KLHL6: variants seen among roughly 807,000 people sequenced by gnomAD.
KLHL6 encodes the protein kelch-like protein 6.
KLHL6 carries 41 observed loss-of-function variants against 58.6 expected under a neutral mutation model. The observed-to-expected ratio is 0.70, with a 90% CI of 0.55 to 0.91. The LOEUF (loss-of-function observed/expected upper bound fraction) is 0.91, where lower values mean the gene tolerates loss of function less well. Among genes scored for constraint, KLHL6 ranks in the 40% least tolerant of loss-of-function variants. KLHL6 has a pLI of 0.00. For missense variants in KLHL6, 714 were observed against 805.6 expected (o/e 0.89, Z 1.38); for synonymous variants, 338 against 322.7 (o/e 1.05, Z -0.51).
intron 3 of KLHL6, among the ~76,000 whole-genome samples, chr3:183,504,137 T>C (rs1410082383): frequency 1.3e-5 from 2 of 152,128 alleles, no homozygotes; most frequent in African/African-American, 4.8e-5. Flanking sequence ...GGAAAATGAT[T>C]GATTGTGAGA....
intron 1 of KLHL6, among the ~76,000 whole-genome samples, chr3:183,529,261 C>G (rs190287282): frequency 1.1e-3 from 164 of 151,964 alleles, no homozygotes; most frequent in African/African-American, 3.5e-3. Context: ...ATAAGTTTAC[C>G]TATATAACAA....
In KLHL6 at chr3:183,508,413, C is replaced by T. The variant is rs780150788; in HGVS notation, c.555G>A (p.Ser185=). 14 of 1,614,060 alleles carry T rather than the reference C, an allele frequency of 8.7e-6. No homozygotes were observed. In the East Asian group the frequency reaches 1.6e-4, roughly 18 times the overall value. ...GAACCTGCTTCTTTAGACTGTCCAG[C>T]GAGTGTGTGTCAGCCAGCCTCAGTA... ...VGILRLADTH[S]LDSLKKQVQS... The change falls in exon 3 of 7, where the codon TCG becomes TCA. Residue 185 remains serine (S), a synonymous_variant. Transcript: ENST00000341319.
At chr3:183,520,665 C>T (rs1471877871) in intron 2 of KLHL6, 1 of 151,876 alleles carries the variant, frequency 6.6e-6, no homozygotes, top group Non-Finnish European at 1.5e-5. Flanking sequence ...GGTGCTGTGC[C>T]TTGATGTCAT....
At chr3:183,508,031 A>G (rs763111795) in intron 3 of KLHL6, 28 bp downstream of exon 3, 1 of 1,591,900 alleles carries the variant, frequency 6.3e-7, no homozygotes, top group Middle Eastern at 1.7e-4. Flanking sequence ...TCGCTGGTTA[A>G]ATATAGCACC....
At chr3:183,539,935 G>C in intron 1 of KLHL6, among the ~76,000 whole-genome samples, 1 of 152,174 alleles carries the variant, frequency 6.6e-6, no homozygotes, top group South Asian at 2.1e-4. Flanking sequence ...CTGTCTGCAA[G>C]ATCAGACAAG....
At chr3:183,540,204 C>T (rs1195712922) in intron 1 of KLHL6, among the ~76,000 whole-genome samples, 1 of 152,166 alleles carries the variant, frequency 6.6e-6, no homozygotes, top group Admixed American at 6.5e-5. Flanking sequence ...GAAAGAGAAG[C>T]TGTCTCTTCC....
At chr3:183,528,652 G>A (rs922288420) in intron 1 of KLHL6, among the ~76,000 whole-genome samples, 9 of 152,214 alleles carry the variant, frequency 5.9e-5, no homozygotes, top group Non-Finnish European at 1.0e-4. Flanking sequence ...TAGAAAGGAT[G>A]TAGGTTTTAT....
At chr3:183,543,299 AAG>A (rs1201237200) in intron 1 of KLHL6, among the ~76,000 whole-genome samples, 4 of 151,578 alleles carry the variant, frequency 2.6e-5, no homozygotes, top group South Asian at 4.2e-4. Context: ...AAAAAAAAAA[AAG>A]AGAGAGAGAG....
chr3:183,550,063 T>C (rs1014120854), intron 1 of KLHL6, among the ~76,000 whole-genome samples: 11 of 151,816 alleles, frequency 7.2e-5, no homozygotes, highest in Admixed American at 5.2e-4. Context: ...ATATGACCTA[T>C]ACAAAACAAG....
In KLHL6 at chr3:183,492,755, G is replaced by A. The variant is rs754409352; in HGVS notation, c.1351-48C>T. ...AAGAAGCTGTCAGTCATGCTGCCCA[G>A]ATTGCTGCAGTAGCTCCCAGGATAC... On this transcript the variant is annotated intron_variant, in intron 5 of 6. Coordinates refer to ENST00000341319, the MANE Select transcript of KLHL6 (RefSeq NM_130446.4). This position sits in a 1 kb window ranked among gnomAD's most constrained non-coding sequence, Gnocchi z 5.9. The A allele has an allele frequency of 6.4e-7, 1 of 1,561,378 alleles. No homozygotes were observed. The highest frequency in any genetic ancestry group is 8.8e-7 in the Non-Finnish European group (1 of 1,136,962).
At chr3:183,520,443 T>TAGAG (rs1711717668) in intron 2 of KLHL6, 1 of 151,722 alleles carries the variant, frequency 6.6e-6, no homozygotes, top group South Asian at 2.1e-4. Flanking sequence ...AGACAAAGTA[T>TAGAG]AGAGAGAGAA....
At chr3:183,528,142 C>T (rs937936056) in intron 1 of KLHL6, 132 bp from the exon 2 acceptor site, 58 of 918,448 alleles carry the variant, frequency 6.3e-5, no homozygotes, top group Non-Finnish European at 2.4e-5. Flanking sequence ...GCTGGTGGCT[C>T]TCTGTTCTCC....
At position 183,492,325 on chromosome 3, in the gene KLHL6, C is replaced by A; in HGVS notation, c.1565-97G>T. 1 of 1,351,982 alleles carries A rather than the reference C, an allele frequency of 7.4e-7. No homozygotes were observed. Among genetic ancestry groups the A allele is most frequent in the Non-Finnish European group, 1.0e-6 (1 of 994,252 alleles). The allele number at this position is 1,351,982 out of a possible 1,614,324, so 83.7% of individuals were successfully genotyped here. A position where few individuals can be genotyped will look rare whatever the true frequency, so the allele number is the denominator to read the frequency against. On this transcript the variant is annotated intron_variant, in intron 6 of 6. Coordinates refer to ENST00000341319, the MANE Select transcript of KLHL6 (RefSeq NM_130446.4). This position sits in a 1 kb window ranked among gnomAD's most constrained non-coding sequence, Gnocchi z 5.9. The stretch of plus-strand genomic sequence containing the variant: ...TCAACTTCTGATTAGGCCAAGTCTA[C>A]CCTCTTGCCAAGAGAAACAGTCGAT...
At chr3:183,507,433 G>A (rs1718039863) in intron 3 of KLHL6, among the ~76,000 whole-genome samples, 2 of 151,886 alleles carry the variant, frequency 1.3e-5, no homozygotes, top group Admixed American at 6.6e-5. Context: ...TGTTTGTTTT[G>A]TTTTGCTTTG....
intron 2 of KLHL6, among the ~76,000 whole-genome samples, chr3:183,515,143 A>T (rs1473278352): frequency 2.6e-5 from 4 of 152,168 alleles, no homozygotes; most frequent in Non-Finnish European, 5.9e-5. Context: ...TAAGTACAAA[A>T]CCAACACAAG....
chr3:183,555,052 C>T (rs183148263), intron 1 of KLHL6, among the ~76,000 whole-genome samples: 1 of 152,180 alleles, frequency 6.6e-6, no homozygotes, highest in African/African-American at 2.4e-5. Context: ...CAAATCCCAG[C>T]TACTCGGGAG....
chr3:183,533,474 T>C (rs62287221), intron 1 of KLHL6, among the ~76,000 whole-genome samples: 81 of 152,016 alleles, frequency 5.3e-4, no homozygotes, highest in Admixed American at 1.3e-3. Flanking sequence ...TCCCACTCTG[T>C]TGCCCAGGCT....
intron 1 of KLHL6, among the ~76,000 whole-genome samples, chr3:183,546,093 C>T (rs957993502): frequency 6.6e-6 from 1 of 152,176 alleles, no homozygotes; most frequent in Non-Finnish European, 1.5e-5. Context: ...TTTTAGTCCA[C>T]CCATGATGGA....
In KLHL6 at chr3:183,495,639, G is replaced by A. The variant is rs1577175194; in HGVS notation, c.1148-1358C>T. Among the ~76,000 whole-genome samples the A allele has an allele frequency of 2.6e-5, 4 of 151,234 alleles. 1 individual carries two copies. The South Asian group carries it at 8.4e-4, about 32-fold the overall frequency. The stretch of plus-strand genomic sequence containing the variant: ...CATAAATCAGAAGACACCTTATTGT[G>A]AAGATGTCAACCCTCCCTAGGTTAA... On this transcript the variant is annotated intron_variant, in intron 4 of 6. Transcript: ENST00000341319.
Sources: gnomAD v4.1 joint callset for allele counts (sites outside exome capture counted in the v4.1 genomes callset) on GRCh38, gnomAD v4.1.1 for gene constraint, Gnocchi (gnomAD v3.1) non-coding constraint, MANE v1.5 for transcripts, NCBI Gene and HGNC (gene_info 2026-07-23, HGNC 2026-07-21) for gene names.